SRGAP1: variants seen among roughly 807,000 people sequenced by gnomAD.
SRGAP1 encodes SLIT-ROBO Rho GTPase activating protein 1.
SRGAP1 carries 43 observed loss-of-function variants against 121.9 expected under a neutral mutation model. That is an observed-to-expected ratio of 0.35 (90% CI 0.28 to 0.46). SRGAP1 has a LOEUF of 0.46. Among genes scored for constraint, SRGAP1 ranks in the 20% least tolerant of loss-of-function variants. The pLI, the probability that SRGAP1 is intolerant of heterozygous loss-of-function variation, is 1.00. For synonymous variants in SRGAP1, 447 were observed against 485.4 expected (o/e 0.92, Z 1.04); for missense variants, 1,102 against 1,350.9 (o/e 0.82, Z 2.89).
chr12:63,901,310 T>C (rs1411014141), intron 1 of SRGAP1, among the ~76,000 whole-genome samples: 1 of 152,216 alleles, frequency 6.6e-6, no homozygotes, highest in East Asian at 1.9e-4. Context: ...TTCCCAGTCC[T>C]GCACCATGTT....
chr12:64,008,622 A>G (rs2034159009), intron 3 of SRGAP1, among the ~76,000 whole-genome samples: 1 of 152,170 alleles, frequency 6.6e-6, no homozygotes, highest in African/African-American at 2.4e-5. Flanking sequence ...CTGGATTGAA[A>G]TTGTTTTGAT....
chr12:64,052,071 A>G (rs2035248243), intron 6 of SRGAP1, among the ~76,000 whole-genome samples: 2 of 152,230 alleles, frequency 1.3e-5, no homozygotes, highest in Non-Finnish European at 2.9e-5. Context: ...TAATACAATG[A>G]AGAAAATGGC....
chr12:63,906,024 C>A (rs114672591), intron 1 of SRGAP1, among the ~76,000 whole-genome samples: 184 of 152,266 alleles, frequency 1.2e-3, no homozygotes, highest in African/African-American at 4.2e-3. Flanking sequence ...TTGGCCCCCT[C>A]ATCTTTATAT....
At chr12:63,942,274 T>C (rs1268637597) in intron 1 of SRGAP1, among the ~76,000 whole-genome samples, 1 of 152,210 alleles carries the variant, frequency 6.6e-6, no homozygotes, top group Non-Finnish European at 1.5e-5. Flanking sequence ...AAGTACCTAC[T>C]TGAGAATAAC....
chr12:63,943,818 T>TCAGC (rs2031948804), intron 1 of SRGAP1, among the ~76,000 whole-genome samples: 1 of 152,130 alleles, frequency 6.6e-6, no homozygotes, highest in Non-Finnish European at 1.5e-5. Flanking sequence ...TTTTTAGGCA[T>TCAGC]CAGCAGTACA....
At chr12:63,921,076 C>T (rs1283515410) in intron 1 of SRGAP1, among the ~76,000 whole-genome samples, 1 of 152,168 alleles carries the variant, frequency 6.6e-6, no homozygotes, top group Non-Finnish European at 1.5e-5. Context: ...TCTGGTTCGA[C>T]AAGCCAGAAA....
intron 4 of SRGAP1, among the ~76,000 whole-genome samples, chr12:64,020,843 CAAAAAAAA>C (rs34144761): frequency 4.3e-5 from 3 of 70,054 alleles, no homozygotes; most frequent in East Asian, 8.8e-4. Flanking sequence ...GACTCCGTCT[CAAAAAAAA>C]AAAAAAAAAA....
intron 15 of SRGAP1, among the ~76,000 whole-genome samples, chr12:64,105,627 T>C (rs1258501848): frequency 6.6e-6 from 1 of 151,994 alleles, no homozygotes; most frequent in East Asian, 1.9e-4. Context: ...CTACTAAAAA[T>C]ACAAAAATTA....
chr12:64,119,345 T>C (rs541373744), intron 18 of SRGAP1, among the ~76,000 whole-genome samples: 1 of 152,350 alleles, frequency 6.6e-6, no homozygotes, highest in South Asian at 2.1e-4. Context: ...AATTCTTGGC[T>C]CTTTGCAATT....
intron 4 of SRGAP1, among the ~76,000 whole-genome samples, chr12:64,040,635 T>G (rs1465747271): frequency 6.6e-6 from 1 of 152,174 alleles, no homozygotes; most frequent in East Asian, 1.9e-4. Flanking sequence ...AAATTATGAT[T>G]TTCAGATAAA....
chr12:64,065,172 C>G lies in SRGAP1; in HGVS notation c.1078C>G (p.Gln360Glu), dbSNP rs2035515842. Residue 360 changes from glutamine to glutamate, a missense_variant, in exon 8 of 22, where the codon CAA (glutamine) becomes GAA (glutamate). By Grantham distance (29) the Gln-to-Glu change is conservative. This residue lies in a region of SRGAP1 where 747 missense variants were observed against 929.4 expected (regional missense o/e 0.80). Coordinates refer to ENST00000355086, the MANE Select transcript of SRGAP1 (RefSeq NM_020762.4). Reference sequence around the variant, plus strand: ...CCAGGCAGAGCTCATGCTCAGGTACCAACAGTTGCAGTCCCGCCTTGCCAC... The same window carrying G: ...CCAGGCAGAGCTCATGCTCAGGTACGAACAGTTGCAGTCCCGCCTTGCCAC... ...PVQAELMLRY[Q>E]QLQSRLATLK... is the part of the protein sequence containing the mutation. 3.7e-6 allele frequency: 6 copies of G among 1,613,520 alleles called. No homozygotes were observed. The highest frequency in any genetic ancestry group is 2.7e-5 in the African/African-American group (2 of 74,886).
intron 1 of SRGAP1, chr12:63,871,624 GTTTTTCT>G (rs1899857611): frequency 3.6e-6 from 2 of 549,682 alleles, no homozygotes; most frequent in Non-Finnish European, 3.2e-6. Flanking sequence ...GAGGTTGGGA[GTTTTTCT>G]TTTTTCTTTT....
In SRGAP1 at chr12:63,977,675, CT is replaced by C. The variant is rs201134788; in HGVS notation, c.68-6263del. 6.5e-4 allele frequency among the ~76,000 whole-genome samples: 98 copies of C among 150,940 alleles called. 1 individual carries two copies. The highest frequency in any genetic ancestry group is 2.4e-3 in the African/African-American group (97 of 41,180). On this transcript the variant is annotated intron_variant, in intron 1 of 21. Transcript: ENST00000355086. ...TTATAGCTGAGAGGAACCATTTTTT[CT>C]TTTTTTTTAACAAATTAATTGCAGC... is the stretch of plus-strand genomic sequence containing the variant.
chr12:64,100,371 T>G (rs2036234704), intron 15 of SRGAP1, among the ~76,000 whole-genome samples: 1 of 152,192 alleles, frequency 6.6e-6, no homozygotes, highest in Non-Finnish European at 1.5e-5. Context: ...TTCTCACAAT[T>G]AGAGTCATAT....
At chr12:63,993,014 T>G (rs2033596904) in intron 3 of SRGAP1, among the ~76,000 whole-genome samples, 2 of 152,134 alleles carry the variant, frequency 1.3e-5, no homozygotes, top group Non-Finnish European at 1.5e-5. Flanking sequence ...GACCTTACCT[T>G]CCCATCTGTG....
At chr12:64,088,383 C>T (rs1207841333) in intron 11 of SRGAP1, among the ~76,000 whole-genome samples, 2 of 152,154 alleles carry the variant, frequency 1.3e-5, no homozygotes, top group Non-Finnish European at 2.9e-5. Context: ...TACTGTAAGG[C>T]ACTTCAAAAA....
Position 64,157,690 on chromosome 12 carries a change from ATAG to A in SRGAP1, c.*15023_*15025del, listed in dbSNP as rs1390528404. 6.6e-6 allele frequency: 1 copy of A among 152,166 alleles called. No individual in the cohort carries two copies. Among genetic ancestry groups the A allele is most frequent in the East Asian group, 1.9e-4 (1 of 5,198 alleles). The allele number at this position is 152,166 out of a possible 1,614,324, so 9.4% of individuals were successfully genotyped here. On this transcript the variant is annotated 3_prime_UTR_variant, in exon 22 of 22. Transcript: ENST00000355086. ...GTGGGGGCAATAAAGAGGCCAGATA[ATAG>A]TAGTTAAATGTGGGGCTCTGTAGGC...
chr12:63,973,727 TTAAAC>T (rs1273920689), intron 1 of SRGAP1, among the ~76,000 whole-genome samples: 1 of 152,212 alleles, frequency 6.6e-6, no homozygotes, highest in Non-Finnish European at 1.5e-5. Context: ...TGCAAAAGAT[TTAAAC>T]TAGTTTAAAA....
intron 6 of SRGAP1, among the ~76,000 whole-genome samples, chr12:64,057,586 AT>A (rs2035367106): frequency 1.3e-5 from 2 of 152,154 alleles, no homozygotes. Flanking sequence ...AGGTTGCACT[AT>A]TTTGCAAGAA....
Sources: gnomAD v4.1 joint callset for allele counts (sites outside exome capture counted in the v4.1 genomes callset) on GRCh38, gnomAD v4.1.1 for gene constraint, gnomAD v4.1.1 regional missense constraint, MANE v1.5 for transcripts, NCBI Gene and HGNC (gene_info 2026-07-23, HGNC 2026-07-21) for gene names.